Variants in C5orf24 observed in about 807,000 individuals in gnomAD.
C5orf24 encodes UPF0461 protein C5orf24.
A neutral mutation model predicts 9.8 loss-of-function variants in C5orf24; 4 were observed. The observed-to-expected ratio is 0.41, with a 90% CI of 0.20 to 0.93. C5orf24 has a LOEUF of 0.93. Ranked by LOEUF, C5orf24 falls within the 40% of genes least tolerant of loss-of-function variation. C5orf24 has a pLI of 0.33. For missense variants in C5orf24, 170 were observed against 236.9 expected, an observed-to-expected ratio of 0.72 and a Z score of 1.85; for synonymous variants, 73 against 81.3, an observed-to-expected ratio of 0.90 and a Z score of 0.55.
Position 134,855,591 on chromosome 5 carries a change from T to A in C5orf24, c.*124T>A, listed in dbSNP as rs977105977. On this transcript the variant is annotated 3_prime_UTR_variant, in exon 2 of 2. Transcript: ENST00000394976. The stretch of plus-strand genomic sequence containing the variant: ...TTTCCAAATTTGTTTTCCTGTTTGG[T>A]TTTTTTCCTGCTTTTGCTCAAAAAC... The A allele has an allele frequency of 1.4e-6, 2 of 1,472,794 alleles. No individual in the cohort carries two copies. The highest frequency in any genetic ancestry group is 1.4e-5 in the African/African-American group (1 of 70,042). The allele number at this position is 1,472,794 out of a possible 1,614,324, so 91.2% of individuals were successfully genotyped here.
rs2150170960 is a variant in C5orf24, at chr5:134,845,989, C to T, written c.-227C>T. 6.6e-6 allele frequency: 1 copy of T among 152,350 alleles called. No homozygotes were observed. Among genetic ancestry groups the T allele is most frequent in the Middle Eastern group, 3.4e-3 (1 of 296 alleles). 9.4% of individuals were successfully genotyped at this position (152,350 alleles called of 1,614,324 possible). A position where few individuals can be genotyped will look rare whatever the true frequency, so the allele number is the denominator to read the frequency against. Reference sequence around the variant, plus strand: ...CTCTAACACTACAGGGTGGTAGCGGCCTCTTCGTACTGCGTCCGGGGCAGG... The same window carrying T: ...CTCTAACACTACAGGGTGGTAGCGGTCTCTTCGTACTGCGTCCGGGGCAGG... On this transcript the variant is annotated 5_prime_UTR_variant, in exon 1 of 2. Coordinates refer to ENST00000394976, the MANE Select transcript of C5orf24 (RefSeq NM_001135586.1).
Position 134,855,756 on chromosome 5 carries a change from G to C in C5orf24, c.*289G>C. ...TGTCTCATGTTTCATTACTACTTTG[G>C]GGCTGTTCTAAATAGATGCTTTATG... is the stretch of plus-strand genomic sequence containing the variant. On this transcript the variant is annotated 3_prime_UTR_variant, in exon 2 of 2. Transcript: ENST00000394976. 7.8e-7 allele frequency: 1 copy of C among 1,279,066 alleles called. No homozygotes were observed. Among genetic ancestry groups the C allele is most frequent in the Non-Finnish European group, 1.0e-6 (1 of 1,002,592 alleles). The allele number at this position is 1,279,066 out of a possible 1,614,324, so 79.2% of individuals were successfully genotyped here. A position where few individuals can be genotyped will look rare whatever the true frequency, so the allele number is the denominator to read the frequency against.
chr5:134,836,650 C>T, the C5orf24 span, among the ~76,000 whole-genome samples: 4 of 150,766 alleles, frequency 2.7e-5, no homozygotes, highest in Non-Finnish European at 5.9e-5. Context: ...TTCAAGTGAT[C>T]CTCCTGCCTC....
At position 134,856,587 on chromosome 5, in the gene C5orf24, G is replaced by C. The variant is rs775294444; in HGVS notation, c.*1120G>C. On this transcript the variant is annotated 3_prime_UTR_variant, in exon 2 of 2. Coordinates refer to ENST00000394976, the MANE Select transcript of C5orf24 (RefSeq NM_001135586.1). ...ATCCAGGAGGCGGAGGTTGCAGTGAGCCAAGATTGTGCCACTGCACTCCAG... is the reference window on the plus strand; with the variant it reads ...ATCCAGGAGGCGGAGGTTGCAGTGACCCAAGATTGTGCCACTGCACTCCAG... 1 of 463,160 alleles carries C rather than the reference G, an allele frequency of 2.2e-6. No homozygotes were observed. Among genetic ancestry groups the C allele is most frequent in the Non-Finnish European group, 2.9e-6 (1 of 340,134 alleles). The allele number at this position is 463,160 out of a possible 1,614,324, so 28.7% of individuals were successfully genotyped here.
chr5:134,838,537 G>A, the C5orf24 span, among the ~76,000 whole-genome samples: 1 of 152,120 alleles, frequency 6.6e-6, no homozygotes, highest in Non-Finnish European at 1.5e-5. Context: ...AGGCATGTTG[G>A]CAGGCACCTG....
Position 134,855,646 on chromosome 5 carries a change from A to G in C5orf24, c.*179A>G. ...ATATGCTGACAGATGCACTCAGGGCATGAGCAGCGGCATTGTATTTGTACA... is the reference window on the plus strand; with the variant it reads ...ATATGCTGACAGATGCACTCAGGGCGTGAGCAGCGGCATTGTATTTGTACA... On this transcript the variant is annotated 3_prime_UTR_variant, in exon 2 of 2. Coordinates refer to ENST00000394976, the MANE Select transcript of C5orf24 (RefSeq NM_001135586.1). 2 of 1,462,386 alleles carry G rather than the reference A, an allele frequency of 1.4e-6. No individual in the cohort carries two copies. Among genetic ancestry groups the G allele is most frequent in the East Asian group, 2.5e-5 (1 of 40,218 alleles). 90.6% of individuals were successfully genotyped at this position (1,462,386 alleles called of 1,614,324 possible).
upstream of C5orf24, among the ~76,000 whole-genome samples, chr5:134,843,845 G>A (rs1391941811): frequency 6.6e-6 from 1 of 152,202 alleles, no homozygotes; most frequent in African/African-American, 2.4e-5. Context: ...ATGAGTCACT[G>A]TGCCTGGCCA....
At chr5:134,847,150 C>T (rs1219155443) in intron 1 of C5orf24, among the ~76,000 whole-genome samples, 1 of 152,130 alleles carries the variant, frequency 6.6e-6, no homozygotes, top group Non-Finnish European at 1.5e-5. Context: ...AGGGGTTAAA[C>T]TTTAGGAGTT....
chr5:134,844,239 T>G (rs553673718), upstream of C5orf24, among the ~76,000 whole-genome samples: 3 of 152,248 alleles, frequency 2.0e-5, no homozygotes, highest in Middle Eastern at 6.3e-3. Context: ...TTAGATAGGC[T>G]ACTTAATATG....
At chr5:134,850,890 C>A (rs1002651986) in intron 1 of C5orf24, among the ~76,000 whole-genome samples, 1 of 149,292 alleles carries the variant, frequency 6.7e-6, no homozygotes, top group Non-Finnish European at 1.5e-5. Context: ...GACTGTATAT[C>A]CTGAGTTCTC....
At chr5:134,840,505 G>T in the C5orf24 span, among the ~76,000 whole-genome samples, 13 of 151,944 alleles carry the variant, frequency 8.6e-5, no homozygotes, top group Non-Finnish European at 7.4e-5. Context: ...CTCTCAAAAT[G>T]CTGGGATTTC....
intron 1 of C5orf24, among the ~76,000 whole-genome samples, chr5:134,849,647 C>CTTTTTTTT (rs35375521): frequency 1.3e-5 from 1 of 76,974 alleles, no homozygotes; most frequent in Non-Finnish European, 2.2e-5. Context: ...AAGTCAGTGT[C>CTTTTTTTT]TTTTTTTTTT....
chr5:134,859,669 T>C lies in C5orf24; in HGVS notation c.*4202T>C, dbSNP rs754629898. ...TTATGTGTATGGGAATGGAGTAGTG[T>C]TCATGATTTGTATCTACATCATCAT... On this transcript the variant is annotated 3_prime_UTR_variant, in exon 2 of 2. Coordinates refer to ENST00000394976, the MANE Select transcript of C5orf24 (RefSeq NM_001135586.1). 1.2e-5 allele frequency: 2 copies of C among 167,040 alleles called. No homozygotes were observed. The highest frequency in any genetic ancestry group is 2.9e-5 in the Non-Finnish European group (2 of 68,116). 10.3% of individuals were successfully genotyped at this position (167,040 alleles called of 1,614,324 possible).
At chr5:134,845,089 G>C (rs1479706726), upstream of C5orf24, among the ~76,000 whole-genome samples, 2 of 152,218 alleles carry the variant, frequency 1.3e-5, no homozygotes, top group Non-Finnish European at 2.9e-5. Context: ...TGGCTTATCT[G>C]TCTCCAGTCC....
At chr5:134,842,821 C>T (rs972644621), upstream of C5orf24, among the ~76,000 whole-genome samples, 1 of 152,136 alleles carries the variant, frequency 6.6e-6, no homozygotes, top group Non-Finnish European at 1.5e-5. Flanking sequence ...GGCAAAGGTT[C>T]CACCATTATA....
chr5:134,844,775 T>C (rs900618307), upstream of C5orf24, among the ~76,000 whole-genome samples: 85 of 152,312 alleles, frequency 5.6e-4, no homozygotes, highest in African/African-American at 1.9e-3. Context: ...AGTCTCGTTC[T>C]GTCCCAGGCT....
rs543449300 is a variant in C5orf24 at position 134,856,267 on chromosome 5, T to C, written c.*800T>C. 1 of 994,416 alleles carries C rather than the reference T, an allele frequency of 1.0e-6. No individual in the cohort carries two copies. The highest frequency in any genetic ancestry group is 1.7e-5 in the African/African-American group (1 of 57,226). The allele number at this position is 994,416 out of a possible 1,614,324, so 61.6% of individuals were successfully genotyped here. A position where few individuals can be genotyped will look rare whatever the true frequency, so the allele number is the denominator to read the frequency against. On this transcript the variant is annotated 3_prime_UTR_variant, in exon 2 of 2. Transcript: ENST00000394976. ...TCTGAGGATAGCATATTTCATATAA[T>C]AGAAAAAGAAGCATTCTCTAGGTTT...
chr5:134,833,947 A>C, the C5orf24 span, among the ~76,000 whole-genome samples: 1 of 152,142 alleles, frequency 6.6e-6, no homozygotes, highest in Non-Finnish European at 1.5e-5. Context: ...CTCAAGCCTT[A>C]AAGAAGAAAT....
chr5:134,845,178 C>G (rs933537957), upstream of C5orf24, among the ~76,000 whole-genome samples: 2 of 152,172 alleles, frequency 1.3e-5, no homozygotes, highest in African/African-American at 4.8e-5. Flanking sequence ...AAAGTTGTTT[C>G]TCCTCCTTTC....
Sources: gnomAD v4.1 joint callset for allele counts (sites outside exome capture counted in the v4.1 genomes callset) on GRCh38, gnomAD v4.1.1 for gene constraint, MANE v1.5 for transcripts, NCBI Gene and HGNC (gene_info 2026-07-23, HGNC 2026-07-21) for gene names.